LRRIQ1: variants seen among roughly 807,000 people sequenced by gnomAD.
The protein encoded by LRRIQ1 is leucine rich repeats and IQ motif containing 1, also known as leucine-rich repeat- and IQ domain-containing protein 1.
Under a neutral mutation model 211.9 loss-of-function variants are expected in LRRIQ1, and 210 were observed. The observed-to-expected ratio is 0.99, with a 90% CI of 0.89 to 1.11. The LOEUF is 1.11. Ranked by LOEUF, LRRIQ1 falls within the 50% of genes most tolerant of loss-of-function variation. The pLI is 0.00. For missense variants in LRRIQ1, 2,136 were observed against 1,939.5 expected (o/e 1.10, Z -1.90); for synonymous variants, 699 against 650.1 (o/e 1.08, Z -1.14).
chr12:85,176,439 G>T (rs1891703645), intron 24 of LRRIQ1, among the ~76,000 whole-genome samples: 1 of 151,572 alleles, frequency 6.6e-6, no homozygotes, highest in Admixed American at 6.6e-5. Flanking sequence ...CATGTCCTTT[G>T]TAGGGACATG....
intron 24 of LRRIQ1, among the ~76,000 whole-genome samples, chr12:85,218,327 G>A (rs998231873): frequency 6.6e-6 from 1 of 151,840 alleles, no homozygotes; most frequent in Non-Finnish European, 1.5e-5. Flanking sequence ...AAGTTGACCT[G>A]AATTTAGAGT....
intron 24 of LRRIQ1, among the ~76,000 whole-genome samples, chr12:85,170,051 G>A (rs1891335052): frequency 6.6e-6 from 1 of 152,018 alleles, no homozygotes; most frequent in South Asian, 2.1e-4. Context: ...ATTTGGTCCA[G>A]TGAAGCATAA....
intron 1 of LRRIQ1, among the ~76,000 whole-genome samples, chr12:85,258,207 C>G (rs765656812): frequency 6.6e-6 from 1 of 151,146 alleles, no homozygotes; most frequent in African/African-American, 2.4e-5. Context: ...ATTATTAACA[C>G]CAGTAATAAT....
intron 24 of LRRIQ1, among the ~76,000 whole-genome samples, chr12:85,168,961 T>C (rs1308324361): frequency 2.0e-5 from 3 of 152,130 alleles, no homozygotes; most frequent in African/African-American, 2.4e-5. Context: ...ATCAATAGGG[T>C]AAAACTAACC....
chr12:85,131,084 C>T (rs1888722177), intron 18 of LRRIQ1, among the ~76,000 whole-genome samples: 2 of 150,720 alleles, frequency 1.3e-5, no homozygotes, highest in Non-Finnish European at 2.9e-5. Flanking sequence ...GGCATGGTGG[C>T]AGGTGCCTGT....
intron 17 of LRRIQ1, among the ~76,000 whole-genome samples, chr12:85,126,698 TC>T (rs1347928613): frequency 1.3e-5 from 2 of 152,162 alleles, no homozygotes; most frequent in African/African-American, 4.8e-5. Flanking sequence ...ATTGGAGCCT[TC>T]TACTGGCCTT....
chr12:85,139,653 A>T (rs1021915498), intron 19 of LRRIQ1, among the ~76,000 whole-genome samples: 4 of 151,442 alleles, frequency 2.6e-5, no homozygotes, highest in African/African-American at 9.7e-5. Flanking sequence ...ATGAATTATG[A>T]ATTTGTGAAA....
intron 24 of LRRIQ1, among the ~76,000 whole-genome samples, chr12:85,225,090 T>TA (rs773011281): frequency 9.2e-5 from 14 of 152,052 alleles, no homozygotes; most frequent in Non-Finnish European, 1.8e-4. Context: ...AACTGCAGAT[T>TA]AAAAAAATTT....
chr12:85,272,618 G>A, the LRRIQ1 span, among the ~76,000 whole-genome samples: 1 of 151,128 alleles, frequency 6.6e-6, no homozygotes, highest in Non-Finnish European at 1.5e-5. Flanking sequence ...AAAAATACTT[G>A]TTTAGTGGAA....
At chr12:85,165,545 T>C (rs575443128) in intron 24 of LRRIQ1, among the ~76,000 whole-genome samples, 4 of 147,996 alleles carry the variant, frequency 2.7e-5, no homozygotes, top group Non-Finnish European at 6.0e-5. Context: ...CTATCTCTTC[T>C]CACTGCAACC....
intron 24 of LRRIQ1, chr12:85,162,640 G>A (rs1009684699): frequency 1.2e-5 from 5 of 405,210 alleles, no homozygotes; most frequent in Middle Eastern, 4.0e-4. Context: ...TTGTGTACTG[G>A]TATAAAATAT....
chr12:85,162,640 G>T, intron 24 of LRRIQ1: 1 of 405,328 alleles, frequency 2.5e-6, no homozygotes, highest in Non-Finnish European at 4.8e-6. Flanking sequence ...TTGTGTACTG[G>T]TATAAAATAT....
At chr12:85,076,341 AAAT>A (rs1414354886) in intron 11 of LRRIQ1, among the ~76,000 whole-genome samples, 3 of 152,016 alleles carry the variant, frequency 2.0e-5, no homozygotes, top group Admixed American at 6.6e-5. Context: ...ATAAAAATAA[AAAT>A]AAATATAATG....
intron 7 of LRRIQ1, 25 bp downstream of exon 7, chr12:85,052,276 G>T: frequency 8.5e-7 from 1 of 1,180,792 alleles, no homozygotes. Flanking sequence ...TTTTTATTTA[G>T]CACATTAAGC....
chr12:85,085,112 G>A (rs574940736), intron 11 of LRRIQ1, among the ~76,000 whole-genome samples: 2 of 151,966 alleles, frequency 1.3e-5, no homozygotes, highest in African/African-American at 4.8e-5. Flanking sequence ...TTTTTTGCGT[G>A]TTTCCCCCGC....
chr12:85,234,863 A>G (rs1429672659), intron 26 of LRRIQ1, among the ~76,000 whole-genome samples: 1 of 152,240 alleles, frequency 6.6e-6, no homozygotes, highest in African/African-American at 2.4e-5. Flanking sequence ...CTGGAAATAA[A>G]ACATTTCATT....
intron 24 of LRRIQ1, among the ~76,000 whole-genome samples, chr12:85,169,455 CT>C (rs1265243569): frequency 6.6e-6 from 1 of 151,982 alleles, no homozygotes; most frequent in Non-Finnish European, 1.5e-5. Context: ...TCCTGTTGTC[CT>C]TTGAATAAAA....
chr12:85,062,717 A>G (rs1410679108), intron 8 of LRRIQ1, among the ~76,000 whole-genome samples: 2 of 151,872 alleles, frequency 1.3e-5, no homozygotes, highest in African/African-American at 2.4e-5. Context: ...ATATATATCC[A>G]GTAATGGGAT....
In LRRIQ1 at chr12:85,153,016, G is replaced by A. The variant is rs1346571399; in HGVS notation, c.4420-8G>A. 34 of 1,525,832 alleles carry A rather than the reference G, an allele frequency of 2.2e-5. No individual in the cohort carries two copies. Among genetic ancestry groups the A allele is most frequent in the Middle Eastern group, 1.7e-4 (1 of 5,784 alleles). The allele number at this position is 1,525,832 out of a possible 1,614,324, so 94.5% of individuals were successfully genotyped here. ...TACTTCACACTTATTTACTTTTTTT[G>A]TGAAAAGATTCCTGGAAACTTAAAA... On this transcript the variant is annotated splice_polypyrimidine_tract_variant and splice_region_variant and intron_variant, in intron 20 of 26. Transcript: ENST00000393217.
Sources: allele counts gnomAD v4.1 joint callset (sites outside exome capture counted in the v4.1 genomes callset), GRCh38; gene constraint gnomAD v4.1.1; transcripts MANE v1.5; gene names NCBI Gene and HGNC (gene_info 2026-07-23, HGNC 2026-07-21).